The following DLGAP2 variants were observed in gnomAD, a reference collection of about 807,000 sequenced individuals.
The protein encoded by DLGAP2 is disks large-associated protein 2.
Under a neutral mutation model 100.3 loss-of-function variants are expected in DLGAP2, and 26 were observed. That is an observed-to-expected ratio of 0.26 (90% CI 0.19 to 0.36). The LOEUF is 0.36. Among genes scored for constraint, DLGAP2 ranks in the 10% least tolerant of loss-of-function variants. DLGAP2 has a pLI of 1.00. For missense variants in DLGAP2, 1,858 were observed against 1,453.2 expected (o/e 1.28, Z -4.53); for synonymous variants, 886 against 630.1 (o/e 1.41, Z -6.08).
intron 2 of DLGAP2, among the ~76,000 whole-genome samples, chr8:1,004,219 C>G (rs1049376330): frequency 6.6e-6 from 1 of 152,146 alleles, no homozygotes; most frequent in African/African-American, 2.4e-5. Context: ...TGTAGACTTG[C>G]AATACACACT....
intron 3 of DLGAP2, among the ~76,000 whole-genome samples, chr8:1,475,172 C>T (rs1440575998): frequency 3.9e-5 from 6 of 152,116 alleles, no homozygotes; most frequent in East Asian, 3.8e-4. Flanking sequence ...ATTGGGCACA[C>T]GTGGACACAG....
At chr8:755,594 C>T (rs1820899472) in intron 1 of DLGAP2, among the ~76,000 whole-genome samples, 1 of 152,106 alleles carries the variant, frequency 6.6e-6, no homozygotes, top group Non-Finnish European at 1.5e-5. Context: ...AGGTCTGGTG[C>T]GTGAGTAGGA....
chr8:766,995 G>C (rs1411188824), intron 1 of DLGAP2, among the ~76,000 whole-genome samples: 3 of 152,190 alleles, frequency 2.0e-5, no homozygotes, highest in Non-Finnish European at 2.9e-5. Context: ...ACTGGCGTCA[G>C]GCGCCCATGA....
intron 1 of DLGAP2, among the ~76,000 whole-genome samples, chr8:826,196 T>C (rs1398434899): frequency 6.6e-6 from 1 of 152,248 alleles, no homozygotes; most frequent in African/African-American, 2.4e-5. Context: ...ACTGTGTATG[T>C]GCACCACATT....
intron 2 of DLGAP2, among the ~76,000 whole-genome samples, chr8:952,245 G>C (rs1409030959): frequency 6.6e-6 from 1 of 152,150 alleles, no homozygotes; most frequent in Non-Finnish European, 1.5e-5. Flanking sequence ...CTAGAGCCCA[G>C]GTTTTTAACT....
intron 4 of DLGAP2, among the ~76,000 whole-genome samples, chr8:1,538,666 T>TG (rs1467219945): frequency 6.6e-6 from 1 of 152,180 alleles, no homozygotes; most frequent in Non-Finnish European, 1.5e-5. Flanking sequence ...TAGAATGCCC[T>TG]GGCCCTCTTT....
At chr8:1,615,537 A>G (rs1797121223) in intron 6 of DLGAP2, among the ~76,000 whole-genome samples, 1 of 152,176 alleles carries the variant, frequency 6.6e-6, no homozygotes. Context: ...TGAATGATAT[A>G]AAAATGTTAG....
chr8:1,624,869 G>T (rs79674352), intron 6 of DLGAP2, among the ~76,000 whole-genome samples: 99 of 149,614 alleles, frequency 6.6e-4, no homozygotes, highest in African/African-American at 1.8e-3. Context: ...CTCTCTCTCT[G>T]TCTCTCTCTC....
At chr8:967,766 T>TATATATATATATGTATAC (rs1341100457) in intron 2 of DLGAP2, among the ~76,000 whole-genome samples, 3 of 58,288 alleles carry the variant, frequency 5.1e-5, no homozygotes, top group African/African-American at 1.7e-4. Flanking sequence ...CAAAGAGGTG[T>TATATATATATATGTATAC]ATATATATAT....
rs1323352383 is a variant in DLGAP2, at chr8:1,188,984, G to T, written c.74-69867G>T. Among the ~76,000 whole-genome samples the T allele has an allele frequency of 3.4e-3, 502 of 147,046 alleles. 10 individuals carry two copies. The highest frequency in any genetic ancestry group is 0.012 in the African/African-American group (463 of 37,212). ...GACCGTACACAGGGTTCGGGCCCCA[G>T]GCCGGTTCCGCGGTTGGGGTTGACC... On this transcript the variant is annotated intron_variant, in intron 2 of 14. Coordinates refer to ENST00000637795, the MANE Select transcript of DLGAP2 (RefSeq NM_001346810.2).
chr8:1,443,401 C>G (rs1232510498), intron 3 of DLGAP2, among the ~76,000 whole-genome samples: 1 of 152,124 alleles, frequency 6.6e-6, no homozygotes, highest in Non-Finnish European at 1.5e-5. Flanking sequence ...CCAGCCTTCC[C>G]TCTAGCGGCT....
At chr8:1,679,806 G>A (rs1179302683) in intron 12 of DLGAP2, among the ~76,000 whole-genome samples, 1 of 151,992 alleles carries the variant, frequency 6.6e-6, no homozygotes, top group African/African-American at 2.4e-5. Context: ...ACATGGTAAA[G>A]CCCCATATCT....
intron 2 of DLGAP2, among the ~76,000 whole-genome samples, chr8:1,214,520 A>C (rs1798172574): frequency 6.6e-6 from 1 of 152,220 alleles, no homozygotes; most frequent in African/African-American, 2.4e-5. Flanking sequence ...GGCCAAGGTA[A>C]TACCCTAACC....
chr8:1,364,122 C>T (rs1326793005), intron 3 of DLGAP2, among the ~76,000 whole-genome samples: 2 of 152,160 alleles, frequency 1.3e-5, no homozygotes, highest in Admixed American at 6.5e-5. Context: ...CCCCACCCAC[C>T]TTCCCTCCTG....
intron 2 of DLGAP2, among the ~76,000 whole-genome samples, chr8:912,584 C>T (rs890873381): frequency 6.6e-6 from 1 of 152,078 alleles, no homozygotes; most frequent in Non-Finnish European, 1.5e-5. Flanking sequence ...CCAGTTGTCT[C>T]CAGCTCATTG....
At chr8:792,572 GGAACGTGAAGTA>G (rs1795936554) in intron 1 of DLGAP2, among the ~76,000 whole-genome samples, 1 of 152,104 alleles carries the variant, frequency 6.6e-6, no homozygotes, top group South Asian at 2.1e-4. Flanking sequence ...GTATTTTACA[GGAACGTGAAGTA>G]GAAGGTTCAT....
intron 3 of DLGAP2, among the ~76,000 whole-genome samples, chr8:1,439,974 G>A (rs1029671045): frequency 1.3e-5 from 2 of 152,154 alleles, no homozygotes; most frequent in Admixed American, 6.5e-5. Context: ...GAGCACCTAT[G>A]ATGTGCAAGT....
At chr8:948,036 G>A (rs1010648615) in intron 2 of DLGAP2, among the ~76,000 whole-genome samples, 5 of 119,936 alleles carry the variant, frequency 4.2e-5, no homozygotes, top group Non-Finnish European at 9.2e-5. Context: ...GCCAGCCCGC[G>A]TGCGTCATGA....
intron 1 of DLGAP2, among the ~76,000 whole-genome samples, chr8:777,714 A>G (rs904327066): frequency 1.3e-5 from 2 of 152,154 alleles, no homozygotes; most frequent in African/African-American, 4.8e-5. Flanking sequence ...TTCTGCCGAG[A>G]GATCCGCTGT....
Sources: gnomAD v4.1 joint callset for allele counts (sites outside exome capture counted in the v4.1 genomes callset) on GRCh38, gnomAD v4.1.1 for gene constraint, MANE v1.5 for transcripts, NCBI Gene and HGNC (gene_info 2026-07-23, HGNC 2026-07-21) for gene names.